ABI2: variants seen among roughly 807,000 people sequenced by gnomAD.
ABI2 encodes the protein abl interactor 2, also known as abelson interactor 2.
Under a neutral mutation model 59.2 loss-of-function variants are expected in ABI2, and 25 were observed. That is an observed-to-expected ratio of 0.42 (90% CI 0.31 to 0.59). The LOEUF (loss-of-function observed/expected upper bound fraction) is 0.59, where lower values mean the gene tolerates loss of function less well. ABI2 is among the 20% of genes least tolerant of loss of function. ABI2 has a pLI of 0.14. For missense variants in ABI2, 545 were observed against 681.8 expected (o/e 0.80, Z 2.23); for synonymous variants, 213 against 235.5 (o/e 0.90, Z 0.87).
In ABI2 at chr2:203,430,712, A is replaced by G. The variant is rs954307459; in HGVS notation, c.*3360A>G. On this transcript the variant is annotated 3_prime_UTR_variant, in exon 12 of 12. Coordinates refer to ENST00000261018, the MANE Select transcript of ABI2 (RefSeq NM_001375670.1). ...GCCTGCTAATTTTGCTATGTTCCTA[A>G]AAGTTACTGGGTGTGAGACATTTTC... 2 of 152,078 alleles carry G rather than the reference A, an allele frequency of 1.3e-5. No homozygotes were observed. The highest frequency in any genetic ancestry group is 2.9e-5 in the Non-Finnish European group (2 of 68,026). The allele number at this position is 152,078 out of a possible 1,614,324, so 9.4% of individuals were successfully genotyped here.
At chr2:203,400,619 C>CTT (rs1182253833) in intron 8 of ABI2, among the ~76,000 whole-genome samples, 5 of 152,092 alleles carry the variant, frequency 3.3e-5, no homozygotes, top group African/African-American at 1.2e-4. Context: ...TATGTTTAAG[C>CTT]TTGAGTGCTT....
At chr2:203,393,162 C>A (rs2096837802) in intron 5 of ABI2, among the ~76,000 whole-genome samples, 1 of 152,212 alleles carries the variant, frequency 6.6e-6, no homozygotes, top group Non-Finnish European at 1.5e-5. Flanking sequence ...CCAGGCGATT[C>A]TCCTGCTTCA....
chr2:203,380,358 C>G lies in ABI2; in HGVS notation c.436C>G (p.Leu146Val). ...YIRKPIDYTI[L>V]DDIGHGVKWL... ...TAGAAAACCTATTGACTATACAATT[C>G]TAGATGATATTGGACATGGAGTAAA... is the stretch of plus-strand genomic sequence containing the variant. Residue 146 changes from leucine to valine, a missense_variant, in exon 3 of 12, where the codon CTA (leucine) becomes GTA (valine). By Grantham distance (32) the Leu-to-Val change is conservative. This residue lies in a region of ABI2 where 410 missense variants were observed against 435.6 expected (regional missense o/e 0.94). Transcript: ENST00000261018. The G allele has an allele frequency of 1.3e-6, 2 of 1,572,454 alleles. No homozygotes were observed. The highest frequency in any genetic ancestry group is 1.7e-6 in the Non-Finnish European group (2 of 1,164,136).
At position 203,342,166 on chromosome 2, in the gene ABI2, G is replaced by GT. The variant is rs1167921481; in HGVS notation, c.117+13542dup. 7 of 450,738 alleles carry GT rather than the reference G, an allele frequency of 1.6e-5. No individual in the cohort carries two copies. The East Asian group carries it at 2.8e-4, about 18-fold the overall frequency. 27.9% of individuals were successfully genotyped at this position (450,738 alleles called of 1,614,324 possible). ...ACTCACACCATTTATTTTATTATAT[G>GT]TTTTTTTCCTTCCTGGTCGTTCAAA... On this transcript the variant is annotated intron_variant, in intron 1 of 11. Transcript: ENST00000261018.
chr2:203,387,178 G>A (rs556854247), intron 4 of ABI2, among the ~76,000 whole-genome samples: 1 of 150,756 alleles, frequency 6.6e-6, no homozygotes, highest in African/African-American at 2.4e-5. Context: ...CCACTGTTCT[G>A]TGGTAGTAGG....
intron 11 of ABI2, among the ~76,000 whole-genome samples, chr2:203,418,250 A>G (rs1396618410): frequency 6.6e-6 from 1 of 152,264 alleles, no homozygotes; most frequent in Non-Finnish European, 1.5e-5. Flanking sequence ...AAACTATATT[A>G]GTTGTGTATT....
chr2:203,375,184 G>T (rs2095599840), intron 2 of ABI2, among the ~76,000 whole-genome samples: 1 of 152,190 alleles, frequency 6.6e-6, no homozygotes, highest in Admixed American at 6.5e-5. Flanking sequence ...AATTAATAAG[G>T]AACTGTGGGA....
chr2:203,373,397 A>T (rs976486137), intron 2 of ABI2, among the ~76,000 whole-genome samples: 2 of 152,190 alleles, frequency 1.3e-5, no homozygotes, highest in Admixed American at 6.5e-5. Flanking sequence ...GGTTGCAGTG[A>T]GCCAAGATGG....
intron 2 of ABI2, chr2:203,376,201 A>T: frequency 8.2e-7 from 1 of 1,213,002 alleles, no homozygotes. Context: ...TTTTGCCCCC[A>T]AGGGGACATT....
chr2:203,426,073 T>C (rs1019448779), intron 11 of ABI2, among the ~76,000 whole-genome samples: 1 of 148,938 alleles, frequency 6.7e-6, no homozygotes, highest in Non-Finnish European at 1.5e-5. Context: ...TAATGGAAAA[T>C]ATTCACAATT....
chr2:203,427,367 G>A lies in ABI2; in HGVS notation c.*15G>A, dbSNP rs2098448715. On this transcript the variant is annotated 3_prime_UTR_variant, in exon 12 of 12. Transcript: ENST00000261018. ...ATTCTGAGTAAAGCTCAGCAGGGCT[G>A]TGCTTGCCTCACAGGAATAGTCAGG... The A allele has an allele frequency of 6.2e-7, 1 of 1,605,234 alleles. No individual in the cohort carries two copies. The highest frequency in any genetic ancestry group is 1.1e-5 in the South Asian group (1 of 89,454).
chr2:203,394,198 A>T (rs2096882413), intron 5 of ABI2: 1 of 152,444 alleles, frequency 6.6e-6, no homozygotes, highest in South Asian at 2.1e-4. Context: ...TATATTTGGT[A>T]TATAGAAAGG....
chr2:203,389,337 TATC>T (rs1290133097), intron 4 of ABI2, among the ~76,000 whole-genome samples: 1 of 152,216 alleles, frequency 6.6e-6, no homozygotes, highest in African/African-American at 2.4e-5. Context: ...ATTTCAAAGG[TATC>T]ATTTGTCATT....
intron 11 of ABI2, among the ~76,000 whole-genome samples, chr2:203,424,722 A>G (rs2098365009): frequency 6.6e-6 from 1 of 152,192 alleles, no homozygotes; most frequent in Non-Finnish European, 1.5e-5. Context: ...TCTATACAGC[A>G]TATTTCTGAT....
intron 1 of ABI2, among the ~76,000 whole-genome samples, chr2:203,340,773 T>G (rs2079394912): frequency 6.6e-6 from 1 of 152,126 alleles, no homozygotes; most frequent in Non-Finnish European, 1.5e-5. Flanking sequence ...TGTCATCATG[T>G]TGTACACTTT....
At chr2:203,376,294 T>C (rs1577907524) in intron 2 of ABI2, among the ~76,000 whole-genome samples, 1 of 152,300 alleles carries the variant, frequency 6.6e-6, no homozygotes, top group South Asian at 2.1e-4. Context: ...TTCTATATTC[T>C]GCAATCCTCA....
intron 2 of ABI2, among the ~76,000 whole-genome samples, chr2:203,375,131 G>T (rs993461891): frequency 6.6e-6 from 1 of 152,188 alleles, no homozygotes; most frequent in Non-Finnish European, 1.5e-5. Context: ...CCTGCAGCAT[G>T]CAAGATCAGC....
intron 1 of ABI2, among the ~76,000 whole-genome samples, chr2:203,347,967 C>T (rs1460976070): frequency 6.6e-6 from 1 of 152,068 alleles, no homozygotes; most frequent in Non-Finnish European, 1.5e-5. Context: ...GGGCTGGGCG[C>T]AGGTGGCTCA....
intron 4 of ABI2, among the ~76,000 whole-genome samples, chr2:203,384,898 G>A (rs1363199754): frequency 2.1e-5 from 3 of 145,904 alleles, no homozygotes; most frequent in Non-Finnish European, 3.0e-5. Context: ...GCAGTGGCAC[G>A]ATCTTGGCTC....
Sources: allele counts gnomAD v4.1 joint callset (sites outside exome capture counted in the v4.1 genomes callset), GRCh38; gene constraint gnomAD v4.1.1; regional missense constraint gnomAD v4.1.1; transcripts MANE v1.5; gene names NCBI Gene and HGNC (gene_info 2026-07-23, HGNC 2026-07-21).